The following LALBA variants were observed in gnomAD, a reference collection of about 807,000 sequenced individuals.
LALBA encodes the protein alpha-lactalbumin.
LALBA carries 12 observed loss-of-function variants against 13.4 expected under a neutral mutation model. That is an observed-to-expected ratio of 0.89 (90% CI 0.57 to 1.45). The LOEUF (loss-of-function observed/expected upper bound fraction) is 1.45. Ranked by LOEUF, LALBA falls within the 40% of genes most tolerant of loss-of-function variation. The pLI is 0.00. For missense variants in LALBA, 145 were observed against 165.9 expected (o/e 0.87, Z 0.69); for synonymous variants, 64 against 61.0 (o/e 1.05, Z -0.23).
At chr12:48,571,386 C>CTTTTTCTT (rs1938630911), upstream of LALBA, among the ~76,000 whole-genome samples, 1 of 98,056 alleles carries the variant, frequency 1.0e-5, no homozygotes, top group South Asian at 3.6e-4. Flanking sequence ...CTTCTTCTTC[C>CTTTTTCTT]TTTTTTTTTT....
intron 3 of LALBA, 79 bp from the exon 4 acceptor site, chr12:48,568,096 A>G: frequency 9.1e-7 from 1 of 1,095,276 alleles, no homozygotes; most frequent in Non-Finnish European, 1.4e-6. Flanking sequence ...GAAGTGGAAG[A>G]GCGTGGACGA....
Position 48,569,969 on chromosome 12 carries a change from G to A in LALBA, c.52C>T (p.Leu18=). The change falls in exon 1 of 4, where the codon CTG becomes TTG. Residue 18 remains leucine (L), a synonymous_variant. Coordinates refer to ENST00000301046, the MANE Select transcript of LALBA (RefSeq NM_002289.3). ...FLVGILFPAI[L]AKQFTKCELS... Reference sequence around the variant, plus strand: ...TCACATTTTGTGAATTGCTTGGCCAGGATGGCAGGGAACAGGATGCCCACC... The same window carrying A: ...TCACATTTTGTGAATTGCTTGGCCAAGATGGCAGGGAACAGGATGCCCACC... 6.2e-7 allele frequency: 1 copy of A among 1,614,044 alleles called. No homozygotes were observed. Among genetic ancestry groups the A allele is most frequent in the Non-Finnish European group, 8.5e-7 (1 of 1,179,998 alleles).
chr12:48,571,386 CTTTTT>C (rs60444004), upstream of LALBA, among the ~76,000 whole-genome samples: 2 of 98,054 alleles, frequency 2.0e-5, no homozygotes, highest in Non-Finnish European at 3.7e-5. Flanking sequence ...CTTCTTCTTC[CTTTTT>C]TTTTTTTTTT....
upstream of LALBA, chr12:48,570,107 C>T (rs559734464): frequency 3.5e-6 from 5 of 1,416,318 alleles, no homozygotes; most frequent in East Asian, 2.3e-5. Context: ...GGCTCTGGTA[C>T]CAAGCCCTAC....
chr12:48,569,738 A>G, intron 1 of LALBA, 150 bp downstream of exon 1: 2 of 701,182 alleles, frequency 2.9e-6, no homozygotes, highest in East Asian at 2.7e-5. Context: ...ACATACATAT[A>G]TACATACATG....
chr12:48,570,440 C>A (rs558748502), upstream of LALBA, among the ~76,000 whole-genome samples: 3 of 152,224 alleles, frequency 2.0e-5, no homozygotes, highest in Admixed American at 6.5e-5. Context: ...CCCCTTCCCC[C>A]CTAGAGACAT....
chr12:48,569,931 C>A lies in LALBA; in HGVS notation c.90G>T (p.Leu30=), dbSNP rs377136218. The A allele has an allele frequency of 6.2e-7, 1 of 1,613,944 alleles. No individual in the cohort carries two copies. The highest frequency in any genetic ancestry group is 8.5e-7 in the Non-Finnish European group (1 of 1,179,992). ...KQFTKCELSQ[L]LKDIDGYGGI... ...CTCCATAACCATCTATGTCTTTCAG[C>A]AGCTGGGACAGCTCACATTTTGTGA... is the stretch of plus-strand genomic sequence containing the variant. Residue 30 remains leucine (L), a synonymous_variant, in exon 1 of 4, where the codon CTG becomes CTT. Transcript: ENST00000301046.
At chr12:48,570,103 G>T, upstream of LALBA, 2 of 1,466,314 alleles carry the variant, frequency 1.4e-6, no homozygotes, top group Non-Finnish European at 1.9e-6. Flanking sequence ...CAGGGGCTCT[G>T]GTACCAAGCC....
At chr12:48,570,305 T>C (rs1417217911), upstream of LALBA, among the ~76,000 whole-genome samples, 1 of 152,224 alleles carries the variant, frequency 6.6e-6, no homozygotes, top group East Asian at 1.9e-4. Flanking sequence ...GTTTAGCCCT[T>C]TGTTTCTTGT....
Position 48,568,012 on chromosome 12 carries a change from G to A in LALBA, c.374C>T (p.Ala125Val). 5.6e-6 allele frequency: 9 copies of A among 1,597,184 alleles called. No individual in the cohort carries two copies. The highest frequency in any genetic ancestry group is 7.7e-6 in the Non-Finnish European group (9 of 1,171,710). Reference sequence around the variant, plus strand: ...CTTCTCAGTGCAGAGGGCTTTATGGGCCAACCTGATAATGGAGAAGGGGGA... The same window carrying A: ...CTTCTCAGTGCAGAGGGCTTTATGGACCAACCTGATAATGGAGAAGGGGGA... ...LDIKGIDYWL[A>V]HKALCTEKLE... is the part of the protein sequence containing the mutation. The change falls in exon 4 of 4, where the codon GCC becomes GTC. Residue 125 changes from alanine to valine, a missense_variant. Transcript: ENST00000301046.
upstream of LALBA, among the ~76,000 whole-genome samples, chr12:48,570,649 A>T (rs777218078): frequency 1.3e-5 from 2 of 152,130 alleles, no homozygotes; most frequent in African/African-American, 2.4e-5. Flanking sequence ...GGATCTTAAG[A>T]CTTCCTACTT....
In LALBA at chr12:48,568,034, G is replaced by C. The variant is rs768291142; in HGVS notation, c.369-17C>G. On this transcript the variant is annotated splice_polypyrimidine_tract_variant and intron_variant, in intron 3 of 3. Transcript: ENST00000301046. ...TGGGCCAACCTGATAATGGAGAAGG[G>C]GGACAAGGTGAGTTAGCTGACTGAA... is the stretch of plus-strand genomic sequence containing the variant. 14 of 1,580,822 alleles carry C rather than the reference G, an allele frequency of 8.9e-6. No homozygotes were observed. The Admixed American group carries it at 1.4e-4, about 16-fold the overall frequency.
Position 48,570,029 on chromosome 12 carries a change from C to A in LALBA, c.-9G>T. ...GGGACAAAGAACCTCATTTTGGCTA[C>A]CCCCAAGAACCTGAAATGGAAGCAT... On this transcript the variant is annotated 5_prime_UTR_variant, in exon 1 of 4. Coordinates refer to ENST00000301046, the MANE Select transcript of LALBA (RefSeq NM_002289.3). 1.2e-6 allele frequency: 2 copies of A among 1,613,368 alleles called. No homozygotes were observed. The highest frequency in any genetic ancestry group is 1.3e-5 in the African/African-American group (1 of 74,936).
chr12:48,571,525 C>T (rs1265344458), upstream of LALBA, among the ~76,000 whole-genome samples: 1 of 151,408 alleles, frequency 6.6e-6, no homozygotes, highest in African/African-American at 2.4e-5. Context: ...GCTGGGACTA[C>T]AGGCACGTGT....
In LALBA at chr12:48,568,590, A is replaced by T. The variant is rs1193206306; in HGVS notation, c.295T>A (p.Phe99Ile). 1.3e-6 allele frequency: 2 copies of T among 1,588,408 alleles called. No homozygotes were observed. Among genetic ancestry groups the T allele is most frequent in the South Asian group, 1.1e-5 (1 of 89,804 alleles). Residue 99 changes from phenylalanine (F) to isoleucine (I), a missense_variant and splice_region_variant, in exon 3 of 4, where the codon TTC (phenylalanine) becomes ATC (isoleucine). Coordinates refer to ENST00000301046, the MANE Select transcript of LALBA (RefSeq NM_002289.3). ...TCATCAGTAATGTCATCATCCAGGA[A>T]CTCTGGCAGGAGTTACAGGGAAAGG... is the stretch of plus-strand genomic sequence containing the variant. ...RNICDISCDK[F>I]LDDDITDDIM... is the part of the protein sequence containing the mutation.
rs536691164 is a variant in LALBA at position 48,569,211 on chromosome 12, A to G, written c.163T>C (p.Tyr55His). ...TTTTCAACTATGGCTTGTGTGTCAT[A>G]ACCACTGGTGTGAAACATGGTACAG... ...LICTMFHTSG[Y>H]DTQAIVENNE... Residue 55 changes from tyrosine (Y) to histidine (H), a missense_variant, in exon 2 of 4, where the codon TAT becomes CAT. Coordinates refer to ENST00000301046, the MANE Select transcript of LALBA (RefSeq NM_002289.3). 1 of 1,613,588 alleles carries G rather than the reference A, an allele frequency of 6.2e-7. No individual in the cohort carries two copies. Among genetic ancestry groups the G allele is most frequent in the East Asian group, 2.2e-5 (1 of 44,878 alleles).
intron 3 of LALBA, 79 bp downstream of exon 3, chr12:48,568,438 G>A: frequency 1.2e-6 from 1 of 819,062 alleles, no homozygotes; most frequent in Non-Finnish European, 2.1e-6. Flanking sequence ...CCAAGAGATA[G>A]GGTAAGAGGA....
At position 48,569,119 on chromosome 12, in the gene LALBA, G is replaced by C; in HGVS notation, c.255C>G (p.Val85=). Residue 85 remains valine (V), a synonymous_variant, in exon 2 of 4, where the codon GTC becomes GTG. Coordinates refer to ENST00000301046, the MANE Select transcript of LALBA (RefSeq NM_002289.3). ...SNKLWCKSSQ[V]PQSRNICDIS... is the part of the protein sequence containing the mutation. ...TGTCACAGATGTTCCTTGACTGAGGGACCTGGCTGCTCTTGCACCAAAGCT... is the reference window on the plus strand; with the variant it reads ...TGTCACAGATGTTCCTTGACTGAGGCACCTGGCTGCTCTTGCACCAAAGCT... 1 of 1,613,484 alleles carries C rather than the reference G, an allele frequency of 6.2e-7. No homozygotes were observed. Among genetic ancestry groups the C allele is most frequent in the South Asian group, 1.1e-5 (1 of 90,886 alleles).
At chr12:48,568,126 C>G (rs1448748715) in intron 3 of LALBA, 109 bp from the exon 4 acceptor site, 1 of 845,240 alleles carries the variant, frequency 1.2e-6, no homozygotes, top group African/African-American at 1.7e-5. Flanking sequence ...AAAGACATTC[C>G]TGGCCTGATG....
Sources: allele counts gnomAD v4.1 joint callset (sites outside exome capture counted in the v4.1 genomes callset), GRCh38; gene constraint gnomAD v4.1.1; transcripts MANE v1.5; gene names NCBI Gene and HGNC (gene_info 2026-07-23, HGNC 2026-07-21).